ZNF454: variants seen among roughly 807,000 people sequenced by gnomAD.
The protein encoded by ZNF454 is zinc finger protein 454.
Under a neutral mutation model 48.2 loss-of-function variants are expected in ZNF454, and 30 were observed. The ratio of observed to expected loss-of-function variants is 0.62; its 90% CI spans 0.47 to 0.84. The LOEUF (loss-of-function observed/expected upper bound fraction) is 0.84. ZNF454 is among the 40% of genes least tolerant of loss of function. The pLI, the probability that ZNF454 is intolerant of heterozygous loss-of-function variation, is 0.00. For missense variants in ZNF454, 510 were observed against 623.1 expected (o/e 0.82, Z 1.93); for synonymous variants, 204 against 211.4 (o/e 0.97, Z 0.30).
rs151123034 is a variant in ZNF454 at position 178,946,343 on chromosome 5, G to A, written c.34-16G>A. On this transcript the variant is annotated splice_polypyrimidine_tract_variant and intron_variant, in intron 2 of 4. Transcript: ENST00000519564. This position sits in a 1 kb window ranked among gnomAD's most constrained non-coding sequence, Gnocchi z 4.5. ...GGGGTAGCCCCTGGTCAAGGAGAAT[G>A]AATTTGCTGTTGCAGGAATCGGTGA... 5 of 1,610,948 alleles carry A rather than the reference G, an allele frequency of 3.1e-6. No individual in the cohort carries two copies. Among genetic ancestry groups the A allele is most frequent in the Admixed American group, 1.7e-5 (1 of 59,192 alleles).
At chr5:178,984,946 C>T in the ZNF454 span, among the ~76,000 whole-genome samples, 11 of 152,300 alleles carry the variant, frequency 7.2e-5, no homozygotes, top group South Asian at 2.3e-3. Context: ...GTCTCTCGTA[C>T]TCTTCACACA....
chr5:178,966,062 A>C lies in ZNF454; in HGVS notation c.*89A>C. The C allele has an allele frequency of 8.7e-7, 1 of 1,148,024 alleles. No homozygotes were observed. The highest frequency in any genetic ancestry group is 1.2e-6 in the Non-Finnish European group (1 of 812,854). 71.1% of individuals were successfully genotyped at this position (1,148,024 alleles called of 1,614,324 possible). On this transcript the variant is annotated 3_prime_UTR_variant, in exon 5 of 5. Transcript: ENST00000519564. ...ATCCGTTCTAGAGAATAACTATGAA[A>C]GCTTGCATCAAGATAGTCACTTTAT...
chr5:178,971,287 A>C (rs954305454), downstream of ZNF454, among the ~76,000 whole-genome samples: 3 of 151,928 alleles, frequency 2.0e-5, no homozygotes, highest in African/African-American at 7.3e-5. Flanking sequence ...GAGTAGGGGG[A>C]AGCATGAAGC....
rs78587235 is a variant in ZNF454 at position 178,944,056 on chromosome 5, T to C, written c.33+1232T>C. Among the ~76,000 whole-genome samples the C allele has an allele frequency of 0.014, 2,105 of 152,274 alleles. 60 individuals carry two copies. The highest frequency in any genetic ancestry group is 0.048 in the African/African-American group (1,980 of 41,550). On this transcript the variant is annotated intron_variant, in intron 2 of 4. Transcript: ENST00000519564. This position sits in a 1 kb window ranked among gnomAD's most constrained non-coding sequence, Gnocchi z 4.1. The stretch of plus-strand genomic sequence containing the variant: ...ATAAAAAATAAAAAAGAATATGGAC[T>C]GTGCTTTGAAGGAGACAGCATTCAT...
intron 4 of ZNF454, among the ~76,000 whole-genome samples, chr5:178,959,906 CT>C (rs1166408306): frequency 6.6e-6 from 1 of 150,664 alleles, no homozygotes; most frequent in Non-Finnish European, 1.5e-5. Flanking sequence ...TGCCCGGCCC[CT>C]TTTTTTCTTT....
chr5:178,987,907 CCG>C, the ZNF454 span, among the ~76,000 whole-genome samples: 135,422 of 143,504 alleles, frequency 0.94, 64,564 homozygotes, highest in South Asian at 1. Flanking sequence ...TTATAGGCAC[CCG>C]TCGCCATGCC....
chr5:178,984,801 C>A, the ZNF454 span, among the ~76,000 whole-genome samples: 1 of 152,096 alleles, frequency 6.6e-6, no homozygotes, highest in Non-Finnish European at 1.5e-5. Flanking sequence ...AGAGAAGGGG[C>A]TCGCCGGGAG....
chr5:178,987,828 C>T, the ZNF454 span, among the ~76,000 whole-genome samples: 2 of 151,648 alleles, frequency 1.3e-5, no homozygotes, highest in African/African-American at 2.4e-5. Context: ...GGCACAATCC[C>T]AGCTCACTGC....
chr5:178,953,800 T>C (rs1340604070), intron 4 of ZNF454, among the ~76,000 whole-genome samples: 4 of 152,184 alleles, frequency 2.6e-5, no homozygotes, highest in Non-Finnish European at 5.9e-5. Context: ...TCACTCTGTT[T>C]CTTAATCATT....
downstream of ZNF454, chr5:178,968,723 C>G (rs547163159): frequency 3.1e-5 from 14 of 456,224 alleles, no homozygotes; most frequent in East Asian, 1.4e-4. Flanking sequence ...ACTACCACCC[C>G]CTTACCTTGA....
At chr5:178,987,364 G>A in the ZNF454 span, 4 of 470,788 alleles carry the variant, frequency 8.5e-6, no homozygotes, top group South Asian at 3.1e-5. Context: ...GTACAGCCAC[G>A]TTCACAGCAG....
chr5:178,956,894 T>C, intron 4 of ZNF454: 1 of 340,452 alleles, frequency 2.9e-6, no homozygotes, highest in Non-Finnish European at 6.0e-6. Flanking sequence ...TTTTGTTTGT[T>C]TGTTTTTTTA....
At chr5:178,986,286 G>T in the ZNF454 span, 1 of 1,614,098 alleles carries the variant, frequency 6.2e-7, no homozygotes, top group South Asian at 1.1e-5. Flanking sequence ...CCAGGCCCAG[G>T]AAGAGCCTGC....
At chr5:178,971,678 C>T in the ZNF454 span, among the ~76,000 whole-genome samples, 1 of 147,774 alleles carries the variant, frequency 6.8e-6, no homozygotes, top group East Asian at 2.0e-4. Context: ...GAAACCCCAT[C>T]TCTACTAAAA....
At chr5:178,985,576 G>T in the ZNF454 span, 5 of 338,686 alleles carry the variant, frequency 1.5e-5, no homozygotes, top group Non-Finnish European at 2.3e-5. Context: ...GGTGGCGGGC[G>T]CCTGTAGTCC....
chr5:178,981,782 C>A, the ZNF454 span: 2 of 1,612,850 alleles, frequency 1.2e-6, no homozygotes, highest in South Asian at 2.2e-5. The surrounding 1 kb of genome is among the most constrained non-coding windows in gnomAD (Gnocchi z 5.1). Context: ...GTTTTGGGTA[C>A]GTAGAGCATG....
At chr5:178,986,710 G>T in the ZNF454 span, 2 of 1,604,816 alleles carry the variant, frequency 1.2e-6, no homozygotes, top group East Asian at 2.2e-5. Flanking sequence ...GCACAGAGAC[G>T]AGGGCACCTC....
intron 2 of ZNF454, among the ~76,000 whole-genome samples, chr5:178,945,648 T>C (rs1397643877): frequency 7.0e-6 from 1 of 142,216 alleles, no homozygotes; most frequent in Non-Finnish European, 1.5e-5. Flanking sequence ...TGTGTGTATG[T>C]GGAAGGGTAT....
the ZNF454 span, chr5:178,983,470 C>T: frequency 2.1e-4 from 142 of 682,112 alleles, 1 homozygote; most frequent in African/African-American, 2.3e-3. Flanking sequence ...GCTGTGCCGC[C>T]CGTATATGTT....
Sources: allele counts gnomAD v4.1 joint callset (sites outside exome capture counted in the v4.1 genomes callset), GRCh38; gene constraint gnomAD v4.1.1; non-coding constraint Gnocchi (gnomAD v3.1); transcripts MANE v1.5; gene names NCBI Gene and HGNC (gene_info 2026-07-23, HGNC 2026-07-21).